TMEM135: variants seen among roughly 807,000 people sequenced by gnomAD.
TMEM135 encodes the protein peroxisomal membrane protein 52.
Under a neutral mutation model 60.3 loss-of-function variants are expected in TMEM135, and 30 were observed. The ratio of observed to expected loss-of-function variants is 0.50; its 90% CI spans 0.37 to 0.68. The LOEUF is 0.68. TMEM135 is among the 30% of genes least tolerant of loss of function. The pLI, the probability that TMEM135 is intolerant of heterozygous loss-of-function variation, is 0.00. For synonymous variants in TMEM135, 190 were observed against 186.7 expected, an observed-to-expected ratio of 1.02 and a Z score of -0.14; for missense variants, 468 against 548.8, an observed-to-expected ratio of 0.85 and a Z score of 1.47.
intron 1 of TMEM135, among the ~76,000 whole-genome samples, chr11:87,055,035 T>C: frequency 6.6e-6 from 1 of 152,058 alleles, no homozygotes; most frequent in Middle Eastern, 3.2e-3. Flanking sequence ...AGGTTAACAA[T>C]GAAGGGGGAA....
chr11:87,041,682 A>T (rs1949751218), intron 1 of TMEM135, among the ~76,000 whole-genome samples: 1 of 152,222 alleles, frequency 6.6e-6, no homozygotes, highest in Admixed American at 6.5e-5. Flanking sequence ...TTCTGTTAAA[A>T]CAGTGGTTTG....
intron 6 of TMEM135, among the ~76,000 whole-genome samples, chr11:87,238,321 A>G (rs572335661): frequency 1.3e-5 from 2 of 152,016 alleles, no homozygotes; most frequent in Non-Finnish European, 2.9e-5. Flanking sequence ...TTGAGTTTTA[A>G]AAATGTCATA....
chr11:87,258,487 A>G (rs1247988717), intron 6 of TMEM135, among the ~76,000 whole-genome samples: 1 of 152,210 alleles, frequency 6.6e-6, no homozygotes, highest in Non-Finnish European at 1.5e-5. Context: ...GAAAAAAAAG[A>G]AAGCAGTCAT....
At chr11:87,088,731 A>T (rs766400011) in intron 3 of TMEM135, among the ~76,000 whole-genome samples, 6 of 152,190 alleles carry the variant, frequency 3.9e-5, no homozygotes, top group Non-Finnish European at 8.8e-5. Context: ...AGAAACCTGC[A>T]TTTAAGAGCA....
intron 1 of TMEM135, among the ~76,000 whole-genome samples, chr11:87,043,748 A>AC (rs1225442764): frequency 1.3e-5 from 2 of 151,790 alleles, no homozygotes; most frequent in African/African-American, 4.9e-5. Context: ...CAAACAAAAA[A>AC]AACTGTTTAA....
At chr11:87,129,309 C>T (rs921281079) in intron 4 of TMEM135, among the ~76,000 whole-genome samples, 1 of 108,402 alleles carries the variant, frequency 9.2e-6, no homozygotes, top group African/African-American at 3.5e-5. Flanking sequence ...GTGGCACGAT[C>T]TCAGCTCACT....
intron 3 of TMEM135, among the ~76,000 whole-genome samples, chr11:87,077,658 T>A (rs920202928): frequency 7.9e-5 from 12 of 152,252 alleles, no homozygotes; most frequent in Non-Finnish European, 1.3e-4. Context: ...CATTTGTTTT[T>A]AATATATTCA....
chr11:87,269,133 C>CTT (rs78564122), intron 6 of TMEM135, among the ~76,000 whole-genome samples: 3 of 149,676 alleles, frequency 2.0e-5, no homozygotes, highest in Non-Finnish European at 3.0e-5. Context: ...TTTCCTAATT[C>CTT]TTTTTTTATT....
intron 5 of TMEM135, among the ~76,000 whole-genome samples, chr11:87,165,733 C>G (rs1939020798): frequency 6.6e-6 from 1 of 151,096 alleles, no homozygotes; most frequent in Non-Finnish European, 1.5e-5. Flanking sequence ...CAAGAAATAA[C>G]TAAAATCAGA....
intron 6 of TMEM135, among the ~76,000 whole-genome samples, chr11:87,240,304 CCTT>C (rs1390090977): frequency 6.6e-6 from 1 of 151,932 alleles, no homozygotes; most frequent in Non-Finnish European, 1.5e-5. Flanking sequence ...TGTTCAATCA[CCTT>C]ATTATTATTA....
intron 5 of TMEM135, among the ~76,000 whole-genome samples, chr11:87,201,249 A>G (rs528680249): frequency 6.6e-6 from 1 of 152,308 alleles, no homozygotes; most frequent in East Asian, 1.9e-4. Flanking sequence ...GAATATGTAA[A>G]ACATACATAA....
chr11:87,092,267 A>G (rs375886616), intron 4 of TMEM135, among the ~76,000 whole-genome samples: 1 of 152,230 alleles, frequency 6.6e-6, no homozygotes, highest in Non-Finnish European at 1.5e-5. Flanking sequence ...ATAATAATGT[A>G]TGAAAAGGAC....
chr11:87,159,163 A>G (rs1938792193), intron 5 of TMEM135, among the ~76,000 whole-genome samples: 1 of 152,210 alleles, frequency 6.6e-6, no homozygotes, highest in Non-Finnish European at 1.5e-5. Flanking sequence ...CCATGTGGCC[A>G]ACCTGGTTAA....
chr11:87,101,482 C>T (rs1591019881), intron 4 of TMEM135, among the ~76,000 whole-genome samples: 1 of 152,246 alleles, frequency 6.6e-6, no homozygotes, highest in South Asian at 2.1e-4. Context: ...ATTTAAAAAT[C>T]CTTCTGTTTG....
At chr11:87,046,139 C>T (rs572745974) in intron 1 of TMEM135, among the ~76,000 whole-genome samples, 2 of 152,188 alleles carry the variant, frequency 1.3e-5, no homozygotes, top group African/African-American at 4.8e-5. Context: ...GGCATGGTGG[C>T]TCATGCCTGT....
intron 8 of TMEM135, among the ~76,000 whole-genome samples, chr11:87,304,261 C>T (rs537016329): frequency 3.8e-4 from 58 of 152,094 alleles, no homozygotes; most frequent in Non-Finnish European, 7.4e-4. Context: ...GTCCTAGCTA[C>T]GCAGGAGGCT....
chr11:87,327,649 G>A lies in TMEM135; in HGVS notation c.*6316G>A, dbSNP rs1237061467. 7 of 453,974 alleles carry A rather than the reference G, an allele frequency of 1.5e-5. No individual in the cohort carries two copies. The highest frequency in any genetic ancestry group is 2.2e-5 in the Non-Finnish European group (5 of 226,774). 28.1% of individuals were successfully genotyped at this position (453,974 alleles called of 1,614,324 possible). A position where few individuals can be genotyped will look rare whatever the true frequency, so the allele number is the denominator to read the frequency against. On this transcript the variant is annotated 3_prime_UTR_variant, in exon 15 of 15. Coordinates refer to ENST00000305494, the MANE Select transcript of TMEM135 (RefSeq NM_022918.4). ...CCCACCACAGGCCATTCATAACCTG[G>A]AGACCTTGGGATGCTGGTGGTCTGG...
At chr11:87,187,981 G>A (rs910261852) in intron 5 of TMEM135, among the ~76,000 whole-genome samples, 4 of 152,148 alleles carry the variant, frequency 2.6e-5, no homozygotes, top group Non-Finnish European at 5.9e-5. Flanking sequence ...TCTTTGTTTA[G>A]AAATAGTGTT....
At chr11:87,232,045 G>A (rs1423794559) in intron 5 of TMEM135, among the ~76,000 whole-genome samples, 1 of 151,870 alleles carries the variant, frequency 6.6e-6, no homozygotes, top group Non-Finnish European at 1.5e-5. Context: ...CTGTTTCCTG[G>A]GTTCAAGCAA....
Sources: allele counts gnomAD v4.1 joint callset (sites outside exome capture counted in the v4.1 genomes callset), GRCh38; gene constraint gnomAD v4.1.1; transcripts MANE v1.5; gene names NCBI Gene and HGNC (gene_info 2026-07-23, HGNC 2026-07-21).